CDKAL1: variants seen among roughly 807,000 people sequenced by gnomAD.
CDKAL1 encodes the protein CDKAL1 threonylcarbamoyladenosine tRNA methylthiotransferase.
A neutral mutation model predicts 68.2 loss-of-function variants in CDKAL1; 32 were observed. The ratio of observed to expected loss-of-function variants is 0.47; its 90% CI spans 0.35 to 0.63. CDKAL1 has a LOEUF of 0.63. CDKAL1 is among the 30% of genes least tolerant of loss of function. The pLI is 0.00. For missense variants in CDKAL1, 606 were observed against 696.7 expected, an observed-to-expected ratio of 0.87 and a Z score of 1.47; for synonymous variants, 234 against 244.3, an observed-to-expected ratio of 0.96 and a Z score of 0.39.
chr6:21,210,826 GA>G (rs529064409), intron 15 of CDKAL1, among the ~76,000 whole-genome samples: 9 of 152,170 alleles, frequency 5.9e-5, no homozygotes, highest in Non-Finnish European at 1.3e-4. Context: ...AGAATTGTTA[GA>G]AGGGCCAGGG....
chr6:20,627,650 C>T (rs931692404), intron 4 of CDKAL1, among the ~76,000 whole-genome samples: 9 of 152,142 alleles, frequency 5.9e-5, no homozygotes, highest in Non-Finnish European at 1.3e-4. Flanking sequence ...ATAGGAATTA[C>T]GTTAAAGTTA....
At chr6:20,884,630 A>G (rs1043766059) in intron 9 of CDKAL1, among the ~76,000 whole-genome samples, 1 of 152,360 alleles carries the variant, frequency 6.6e-6, no homozygotes, top group African/African-American at 2.4e-5. Context: ...GAAAACTACT[A>G]GAACTATGAA....
At chr6:21,080,348 G>T (rs1772320269) in intron 12 of CDKAL1, among the ~76,000 whole-genome samples, 1 of 152,112 alleles carries the variant, frequency 6.6e-6, no homozygotes, top group South Asian at 2.1e-4. Flanking sequence ...TCTCATGAAA[G>T]AAAAGACTGT....
intron 5 of CDKAL1, among the ~76,000 whole-genome samples, chr6:20,704,220 A>C (rs1161955250): frequency 6.6e-6 from 1 of 152,196 alleles, no homozygotes. Flanking sequence ...GGGGATCGAT[A>C]ATAGCAATGA....
At chr6:20,582,675 T>C (rs1196830252) in intron 4 of CDKAL1, among the ~76,000 whole-genome samples, 3 of 152,164 alleles carry the variant, frequency 2.0e-5, no homozygotes, top group Admixed American at 6.5e-5. Context: ...TAAAGATCAG[T>C]TGGTTTTCTT....
chr6:21,022,424 C>T (rs1370948613), intron 11 of CDKAL1, among the ~76,000 whole-genome samples: 1 of 152,148 alleles, frequency 6.6e-6, no homozygotes, highest in Non-Finnish European at 1.5e-5. Flanking sequence ...GAGATGTAAT[C>T]AGTTTCAGTT....
rs138576431 is a variant in CDKAL1, at chr6:20,813,731, C to T, written c.639-32344C>T. 2.8e-3 allele frequency among the ~76,000 whole-genome samples: 433 copies of T among 152,192 alleles called. 1 individual carries two copies. Among genetic ancestry groups the T allele is most frequent in the African/African-American group, 9.9e-3 (410 of 41,534 alleles). On this transcript the variant is annotated intron_variant, in intron 8 of 15. Transcript: ENST00000274695. ...CTTTCCCTTTGTCTTGGAACACTGT[C>T]GATACTCAACTGACTCTATATATGT...
chr6:21,054,612 C>A (rs1303093262), intron 11 of CDKAL1, among the ~76,000 whole-genome samples: 2 of 152,008 alleles, frequency 1.3e-5, no homozygotes, highest in East Asian at 1.9e-4. Flanking sequence ...TTATTTAGAT[C>A]TTCTTTAATT....
At chr6:20,896,112 T>G (rs1339005473) in intron 9 of CDKAL1, among the ~76,000 whole-genome samples, 1 of 108,480 alleles carries the variant, frequency 9.2e-6, no homozygotes, top group Non-Finnish European at 2.2e-5. Flanking sequence ...TCTTTTTTTT[T>G]TTTTTTTGAG....
At chr6:20,910,772 G>A (rs4710958) in intron 9 of CDKAL1, among the ~76,000 whole-genome samples, 36,855 of 152,170 alleles carry the variant, frequency 0.24, 4,806 homozygotes, top group Middle Eastern at 0.34. Context: ...GTCATTTAGG[G>A]TAGGCTCTAA....
Position 21,015,639 on chromosome 6 carries a change from C to G in CDKAL1, c.1055+15267C>G, listed in dbSNP as rs116576995. 6.0e-4 allele frequency among the ~76,000 whole-genome samples: 91 copies of G among 152,066 alleles called. No homozygotes were observed. The Middle Eastern group carries it at 0.014, about 23-fold the overall frequency. On this transcript the variant is annotated intron_variant, in intron 11 of 15. Coordinates refer to ENST00000274695, the MANE Select transcript of CDKAL1 (RefSeq NM_017774.3). ...TTAAATAATTTGTACTTTCAAGAAT[C>G]GTGATAGCCGGGTGCGGTGGCTCAC...
intron 4 of CDKAL1, among the ~76,000 whole-genome samples, chr6:20,586,658 A>G (rs568676367): frequency 6.6e-6 from 1 of 152,304 alleles, no homozygotes; most frequent in Non-Finnish European, 1.5e-5. Context: ...AAAAAAAGGA[A>G]GTGCTCTAAT....
intron 4 of CDKAL1, among the ~76,000 whole-genome samples, chr6:20,605,986 C>T (rs1475664721): frequency 6.6e-6 from 1 of 152,186 alleles, no homozygotes; most frequent in Non-Finnish European, 1.5e-5. Flanking sequence ...AGTGCAGAGT[C>T]TTCTGGACTG....
chr6:21,110,258 G>A (rs1305453542), intron 13 of CDKAL1, among the ~76,000 whole-genome samples: 8 of 152,114 alleles, frequency 5.3e-5, no homozygotes, highest in African/African-American at 1.7e-4. Context: ...GGCAGCTCCC[G>A]GCCTCCTTAG....
intron 7 of CDKAL1, among the ~76,000 whole-genome samples, chr6:20,780,477 A>G (rs1397217354): frequency 6.6e-6 from 1 of 152,026 alleles, no homozygotes; most frequent in Non-Finnish European, 1.5e-5. Flanking sequence ...TTTTTCTGCA[A>G]TGTAATGGCA....
intron 5 of CDKAL1, among the ~76,000 whole-genome samples, chr6:20,714,237 T>C (rs1354911926): frequency 6.6e-6 from 1 of 151,830 alleles, no homozygotes; most frequent in Non-Finnish European, 1.5e-5. Flanking sequence ...GATAATAGTC[T>C]AAGGCTATTA....
intron 4 of CDKAL1, among the ~76,000 whole-genome samples, chr6:20,611,713 G>T (rs1766625478): frequency 6.6e-6 from 1 of 152,054 alleles, no homozygotes; most frequent in Non-Finnish European, 1.5e-5. Context: ...GGTGTTCATT[G>T]CCATGAATAT....
intron 9 of CDKAL1, among the ~76,000 whole-genome samples, chr6:20,942,208 A>G (rs1358684734): frequency 1.3e-5 from 2 of 152,152 alleles, no homozygotes; most frequent in African/African-American, 2.4e-5. Flanking sequence ...ATCACAATCT[A>G]CGTTCAAATA....
intron 13 of CDKAL1, among the ~76,000 whole-genome samples, chr6:21,174,557 A>G (rs917494106): frequency 6.6e-6 from 1 of 152,216 alleles, no homozygotes; most frequent in Admixed American, 6.5e-5. Flanking sequence ...AACAAAAACT[A>G]CAAAAAAATA....
Sources: allele counts gnomAD v4.1 joint callset (sites outside exome capture counted in the v4.1 genomes callset), GRCh38; gene constraint gnomAD v4.1.1; transcripts MANE v1.5; gene names NCBI Gene and HGNC (gene_info 2026-07-23, HGNC 2026-07-21).